Variants in ARHGAP22 observed in about 807,000 individuals in gnomAD.
ARHGAP22 encodes rho GTPase-activating protein 22.
Under a neutral mutation model 59.1 loss-of-function variants are expected in ARHGAP22, and 48 were observed. The ratio of observed to expected loss-of-function variants is 0.81; its 90% CI spans 0.64 to 1.03. The LOEUF (loss-of-function observed/expected upper bound fraction) is 1.03. ARHGAP22 is among the 50% of genes least tolerant of loss of function. ARHGAP22 has a pLI of 0.00. For synonymous variants in ARHGAP22, 445 were observed against 416.4 expected (o/e 1.07, Z -0.84); for missense variants, 1,015 against 958.7 (o/e 1.06, Z -0.78).
rs543973705 is a variant in ARHGAP22, at chr10:48,604,380, T to A, written c.34+383A>T. Among the ~76,000 whole-genome samples the A allele has an allele frequency of 2.3e-4, 35 of 152,372 alleles. No individual in the cohort carries two copies. In the South Asian group the frequency reaches 7.0e-3, roughly 31 times the overall value. Reference sequence around the variant, plus strand: ...GAAGCCAGGGCATGGCCTTCCCTGGTAAGGGGTGCTTCTGTGTTGGCCACA... The same window carrying A: ...GAAGCCAGGGCATGGCCTTCCCTGGAAAGGGGTGCTTCTGTGTTGGCCACA... On this transcript the variant is annotated intron_variant, in intron 1 of 9. Coordinates refer to ENST00000249601, the MANE Select transcript of ARHGAP22 (RefSeq NM_021226.4).
chr10:48,619,759 C>T (rs766077988), intron 1 of ARHGAP22, among the ~76,000 whole-genome samples: 17 of 152,006 alleles, frequency 1.1e-4, no homozygotes, highest in African/African-American at 2.7e-4. Flanking sequence ...AAGAAAACAT[C>T]GGGAAAATGC....
the ARHGAP22 span, among the ~76,000 whole-genome samples, chr10:48,439,862 T>A: frequency 6.6e-6 from 1 of 152,196 alleles, no homozygotes; most frequent in Non-Finnish European, 1.5e-5. Context: ...AAATGACCTT[T>A]GTACCGTGCT....
intron 1 of ARHGAP22, among the ~76,000 whole-genome samples, chr10:48,610,639 G>A (rs2060846847): frequency 3.3e-5 from 5 of 152,140 alleles, no homozygotes. Context: ...AGTTTTTTTA[G>A]GGATTAACAT....
At chr10:48,647,436 AT>A (rs1262157961) in intron 1 of ARHGAP22, among the ~76,000 whole-genome samples, 1 of 152,218 alleles carries the variant, frequency 6.6e-6, no homozygotes, top group Non-Finnish European at 1.5e-5. Context: ...TGAATAGTTA[AT>A]AAGCACAGGA....
intron 3 of ARHGAP22, among the ~76,000 whole-genome samples, chr10:48,506,783 T>C (rs2052182533): frequency 6.6e-6 from 1 of 152,158 alleles, no homozygotes; most frequent in African/African-American, 2.4e-5. Context: ...CCTAGAGTTA[T>C]GTGACACGAG....
In ARHGAP22 at chr10:48,450,584, G is replaced by C; in HGVS notation, c.1545C>G (p.Ala515=). The C allele has an allele frequency of 1.3e-6, 2 of 1,541,164 alleles. No individual in the cohort carries two copies. The highest frequency in any genetic ancestry group is 8.7e-7 in the Non-Finnish European group (1 of 1,144,514). ...CCCCCACCGACGACTCGCTGGACGA[G>C]GCCCCGGACCACGCCATACTGGCCA... ...PSVASMAWSG[A]SSSESSVGGS... is the part of the protein sequence containing the mutation. The change falls in exon 9 of 10, where the codon GCC becomes GCG. Residue 515 remains alanine (A), a synonymous_variant. Transcript: ENST00000249601.
At chr10:48,577,706 A>AGAG (rs2058812273) in intron 2 of ARHGAP22, among the ~76,000 whole-genome samples, 1 of 34,964 alleles carries the variant, frequency 2.9e-5, no homozygotes, top group African/African-American at 1.5e-4. Context: ...CTCAGAGAAT[A>AGAG]CATACAACTC....
intron 3 of ARHGAP22, among the ~76,000 whole-genome samples, chr10:48,486,834 T>C (rs567587153): frequency 6.6e-6 from 1 of 152,342 alleles, no homozygotes; most frequent in Admixed American, 6.5e-5. Flanking sequence ...TTAATTCATC[T>C]TCATTTTTGA....
chr10:48,548,200 T>C (rs907634634), intron 3 of ARHGAP22, among the ~76,000 whole-genome samples: 8 of 152,084 alleles, frequency 5.3e-5, no homozygotes, highest in Admixed American at 3.9e-4. Context: ...CCTGGCCCCG[T>C]GACAGCCCAG....
chr10:48,478,485 C>T (rs2048954810), intron 4 of ARHGAP22, among the ~76,000 whole-genome samples: 1 of 152,218 alleles, frequency 6.6e-6, no homozygotes, highest in African/African-American at 2.4e-5. Context: ...AATCTGGAGA[C>T]TGGCCCAGAG....
chr10:48,564,245 C>A (rs940894589), intron 2 of ARHGAP22, among the ~76,000 whole-genome samples: 50 of 152,120 alleles, frequency 3.3e-4, no homozygotes, highest in African/African-American at 1.2e-3. Context: ...TTTTACTACA[C>A]AAAATGAGAA....
chr10:48,523,961 C>T (rs2054074007), intron 3 of ARHGAP22: 2 of 1,230,984 alleles, frequency 1.6e-6, no homozygotes, highest in South Asian at 1.7e-5. Context: ...GTGCGGGCGG[C>T]CCTGGACACC....
intron 1 of ARHGAP22, among the ~76,000 whole-genome samples, chr10:48,635,079 C>T (rs371295564): frequency 5.5e-4 from 84 of 152,290 alleles, no homozygotes; most frequent in African/African-American, 1.9e-3. Context: ...CGAGCAGACT[C>T]ATGTACCTGC....
At chr10:48,576,259 A>G (rs953294316) in intron 2 of ARHGAP22, among the ~76,000 whole-genome samples, 1 of 152,198 alleles carries the variant, frequency 6.6e-6, no homozygotes, top group African/African-American at 2.4e-5. Context: ...CCAATATGCC[A>G]GGGCCTCTTC....
intron 1 of ARHGAP22, among the ~76,000 whole-genome samples, chr10:48,618,726 C>A (rs2061176988): frequency 6.6e-6 from 1 of 151,934 alleles, no homozygotes; most frequent in Non-Finnish European, 1.5e-5. Context: ...TATGACAAAC[C>A]ACAGCCTACA....
intron 3 of ARHGAP22, among the ~76,000 whole-genome samples, chr10:48,547,389 T>A (rs2056533919): frequency 6.6e-6 from 1 of 152,218 alleles, no homozygotes. Context: ...CCTGCAGGAT[T>A]CCCATCTGGT....
intron 1 of ARHGAP22, among the ~76,000 whole-genome samples, chr10:48,597,691 C>T (rs1273911140): frequency 6.6e-6 from 1 of 152,216 alleles, no homozygotes; most frequent in Non-Finnish European, 1.5e-5. Flanking sequence ...TGTTCAGGGG[C>T]TGATGGCCCA....
intron 2 of ARHGAP22, among the ~76,000 whole-genome samples, chr10:48,578,737 C>G (rs933861416): frequency 2.0e-5 from 3 of 151,474 alleles, no homozygotes; most frequent in Non-Finnish European, 4.4e-5. Flanking sequence ...ATGTCTTCCT[C>G]AAAGCTATGG....
chr10:48,544,120 CAAA>C (rs796158764), intron 3 of ARHGAP22, among the ~76,000 whole-genome samples: 1 of 139,860 alleles, frequency 7.2e-6, no homozygotes. Context: ...AAGACTCCGT[CAAA>C]AAAAAAAAAG....
Sources: gnomAD v4.1 joint callset for allele counts (sites outside exome capture counted in the v4.1 genomes callset) on GRCh38, gnomAD v4.1.1 for gene constraint, MANE v1.5 for transcripts, NCBI Gene and HGNC (gene_info 2026-07-23, HGNC 2026-07-21) for gene names.